The following PIP4K2A variants were observed in gnomAD, a reference collection of about 807,000 sequenced individuals.
The protein encoded by PIP4K2A is phosphatidylinositol-5-phosphate 4-kinase type 2 alpha, also known as phosphatidylinositol 5-phosphate 4-kinase type-2 alpha.
A neutral mutation model predicts 42.9 loss-of-function variants in PIP4K2A; 14 were observed. The ratio of observed to expected loss-of-function variants is 0.33; its 90% CI spans 0.22 to 0.51. The LOEUF (loss-of-function observed/expected upper bound fraction) is 0.51. Among genes scored for constraint, PIP4K2A ranks in the 20% least tolerant of loss-of-function variants. The pLI is 0.97. For synonymous variants in PIP4K2A, 192 were observed against 192.2 expected (o/e 1.00, Z 0.01); for missense variants, 434 against 519.8 (o/e 0.83, Z 1.61).
At chr10:22,623,902 T>G (rs1838384382) in intron 1 of PIP4K2A, among the ~76,000 whole-genome samples, 1 of 152,220 alleles carries the variant, frequency 6.6e-6, no homozygotes. Context: ...AAAGCACTGA[T>G]GATTTCATCA....
rs185941375 is a variant in PIP4K2A at position 22,550,698 on chromosome 10, G to C, written c.753C>G (p.Asn251Lys). The change falls in exon 7 of 10, where the codon AAC (asparagine) becomes AAG (lysine). Residue 251 changes from asparagine to lysine, a missense_variant. By Grantham distance (94) the Asn-to-Lys change is moderately conservative (BLOSUM62 0). Around this residue, in one of 2 missense-constraint regions of PIP4K2A, gnomAD observed 395 missense variants for 444.5 expected, o/e 0.89. Transcript: ENST00000376573. ...TTAGTTTTTCCAGGAAGACCTTCTT[G>C]TTGTTGTCATCAATATAAATCTTTT... is the stretch of plus-strand genomic sequence containing the variant. Reference protein sequence around the residue: ...EGQKIYIDDNNKKVFLEKLKK... With the variant: ...EGQKIYIDDNKKKVFLEKLKK... 1.7e-5 allele frequency: 28 copies of C among 1,604,188 alleles called. No homozygotes were observed. Among genetic ancestry groups the C allele is most frequent in the Middle Eastern group, 3.3e-4 (2 of 6,046 alleles).
chr10:22,556,799 T>C (rs1836561877), intron 6 of PIP4K2A, among the ~76,000 whole-genome samples: 1 of 152,184 alleles, frequency 6.6e-6, no homozygotes, highest in African/African-American at 2.4e-5. Flanking sequence ...TTATAAACAT[T>C]TGTGTATATA....
At chr10:22,571,835 T>C (rs1417598407) in intron 5 of PIP4K2A, among the ~76,000 whole-genome samples, 1 of 152,224 alleles carries the variant, frequency 6.6e-6, no homozygotes, top group Non-Finnish European at 1.5e-5. Flanking sequence ...CCACACAGAC[T>C]GACAGCGGAA....
At chr10:22,702,670 A>G (rs576683068) in intron 1 of PIP4K2A, among the ~76,000 whole-genome samples, 19 of 152,284 alleles carry the variant, frequency 1.2e-4, no homozygotes, top group Middle Eastern at 3.4e-3. Flanking sequence ...CACACTGCAC[A>G]ACCCGCTCAG....
intron 1 of PIP4K2A, among the ~76,000 whole-genome samples, chr10:22,693,157 C>T (rs960775993): frequency 6.6e-6 from 1 of 152,174 alleles, no homozygotes; most frequent in African/African-American, 2.4e-5. Flanking sequence ...ATAGTTAGAT[C>T]ACAGATTTGT....
intron 4 of PIP4K2A, among the ~76,000 whole-genome samples, chr10:22,579,801 C>A (rs1257956612): frequency 2.0e-5 from 3 of 151,604 alleles, no homozygotes; most frequent in African/African-American, 7.3e-5. Context: ...CCCAGCTACT[C>A]GGGAGGCTGA....
intron 7 of PIP4K2A, among the ~76,000 whole-genome samples, chr10:22,549,968 T>C (rs1006563638): frequency 1.3e-5 from 2 of 151,982 alleles, no homozygotes. Context: ...GCAATGCCTT[T>C]ATCATAAACT....
chr10:22,591,856 G>C, intron 3 of PIP4K2A, 75 bp from the exon 4 acceptor site: 1 of 1,284,296 alleles, frequency 7.8e-7, no homozygotes, highest in Non-Finnish European at 1.0e-6. Flanking sequence ...CCGATTCCCA[G>C]ATAATTTGTC....
rs10430589 is a variant in PIP4K2A at position 22,542,988 on chromosome 10, C to T, written c.793-941G>A. Among the ~76,000 whole-genome samples the T allele has an allele frequency of 5.3e-5, 8 of 152,250 alleles. No individual in the cohort carries two copies. In the East Asian group the frequency reaches 5.8e-4, roughly 11 times the overall value. On this transcript the variant is annotated intron_variant, in intron 7 of 9. Transcript: ENST00000376573. ...GCTCTGGAAGGACTCAGTGCCACCT[C>T]GCTGGGGAATGCAGAGTGGCTGAGC... is the stretch of plus-strand genomic sequence containing the variant.
intron 1 of PIP4K2A, among the ~76,000 whole-genome samples, chr10:22,618,609 T>C (rs1311864519): frequency 6.6e-6 from 1 of 152,162 alleles, no homozygotes; most frequent in African/African-American, 2.4e-5. Context: ...AAAAAGGCCA[T>C]CACATTGCAC....
intron 1 of PIP4K2A, among the ~76,000 whole-genome samples, chr10:22,676,494 G>A (rs1437949080): frequency 3.3e-5 from 5 of 152,044 alleles, no homozygotes; most frequent in Admixed American, 6.6e-5. Context: ...ATCAAGAGGG[G>A]CATTCTAAAA....
intron 1 of PIP4K2A, among the ~76,000 whole-genome samples, chr10:22,695,023 A>G (rs577285739): frequency 6.6e-6 from 1 of 152,300 alleles, no homozygotes; most frequent in African/African-American, 2.4e-5. Context: ...TTTGTAGGTA[A>G]CTTTTTGAGC....
chr10:22,571,418 C>T (rs1318385034), intron 5 of PIP4K2A, among the ~76,000 whole-genome samples: 2 of 152,178 alleles, frequency 1.3e-5, no homozygotes, highest in Non-Finnish European at 2.9e-5. Context: ...TGGGCCTGAC[C>T]GCTTCCCAAT....
At chr10:22,586,758 T>C (rs539922786) in intron 4 of PIP4K2A, among the ~76,000 whole-genome samples, 220 of 152,268 alleles carry the variant, frequency 1.4e-3, no homozygotes, top group African/African-American at 5.1e-3. Context: ...CTTGAACCCC[T>C]GACCTCAGGT....
chr10:22,664,106 T>TATAC (rs1839277419), intron 1 of PIP4K2A, among the ~76,000 whole-genome samples: 1 of 71,274 alleles, frequency 1.4e-5, no homozygotes, highest in Admixed American at 1.5e-4. Flanking sequence ...TATATATACA[T>TATAC]ATATATATAC....
At chr10:22,665,337 AT>A (rs1292966567) in intron 1 of PIP4K2A, among the ~76,000 whole-genome samples, 1 of 152,224 alleles carries the variant, frequency 6.6e-6, no homozygotes, top group Non-Finnish European at 1.5e-5. Flanking sequence ...CATCATACAG[AT>A]CCCTCCTACA....
chr10:22,599,290 C>G (rs1325960544), intron 3 of PIP4K2A, among the ~76,000 whole-genome samples: 2 of 152,200 alleles, frequency 1.3e-5, no homozygotes, highest in African/African-American at 2.4e-5. Context: ...AAAAAGAAAC[C>G]TGAACCTATC....
intron 1 of PIP4K2A, among the ~76,000 whole-genome samples, chr10:22,689,460 C>T (rs1233249919): frequency 6.6e-6 from 1 of 152,038 alleles, no homozygotes; most frequent in Non-Finnish European, 1.5e-5. Context: ...TTTTTTCGTG[C>T]CATTATTCCC....
At chr10:22,624,680 C>T (rs1329132299) in intron 1 of PIP4K2A, among the ~76,000 whole-genome samples, 1 of 151,724 alleles carries the variant, frequency 6.6e-6, no homozygotes, top group Non-Finnish European at 1.5e-5. Context: ...TGTTACCTAG[C>T]AGGGGGAAAA....
Sources: gnomAD v4.1 joint callset for allele counts (sites outside exome capture counted in the v4.1 genomes callset) on GRCh38, gnomAD v4.1.1 for gene constraint, gnomAD v4.1.1 regional missense constraint, MANE v1.5 for transcripts, NCBI Gene and HGNC (gene_info 2026-07-23, HGNC 2026-07-21) for gene names.